Variants in MGAT4A observed in about 807,000 individuals in gnomAD.
MGAT4A encodes N-acetylglucosaminyltransferase IVa.
MGAT4A carries 33 observed loss-of-function variants against 74.1 expected under a neutral mutation model. The ratio of observed to expected loss-of-function variants is 0.45; its 90% confidence interval spans 0.34 to 0.60. The LOEUF is 0.60. MGAT4A is among the 20% of genes least tolerant of loss of function. MGAT4A has a pLI of 0.02. For missense variants in MGAT4A, 479 were observed against 628.3 expected, an observed-to-expected ratio of 0.76 and a Z score of 2.54; for synonymous variants, 198 against 210.4, an observed-to-expected ratio of 0.94 and a Z score of 0.51.
Position 98,636,508 on chromosome 2 carries a change from CA to C in MGAT4A, c.1401+8del. ...GTTAGGGAAAGGTAAGAGGAAATAG[CA>C]GTCATACCTTAAAAGGCAAAACTTC... On this transcript the variant is annotated splice_region_variant and intron_variant, in intron 13 of 15. Transcript: ENST00000393487. The C allele has an allele frequency of 6.3e-7, 1 of 1,597,276 alleles. No homozygotes were observed. Among genetic ancestry groups the C allele is most frequent in the Non-Finnish European group, 8.6e-7 (1 of 1,164,768 alleles).
In MGAT4A at chr2:98,667,873, C is replaced by T. The variant is rs530375451; in HGVS notation, c.404-4694G>A. ...TAGCTGGGATTACAGGTGCCCACCA[C>T]CATGGCCAGATAAGTTTTGTATTTT... On this transcript the variant is annotated intron_variant, in intron 4 of 15. Coordinates refer to ENST00000393487, the MANE Select transcript of MGAT4A (RefSeq NM_012214.3). 3.3e-5 allele frequency among the ~76,000 whole-genome samples: 5 copies of T among 152,176 alleles called. No homozygotes were observed. The South Asian group carries it at 1.0e-3, about 32-fold the overall frequency.
At chr2:98,677,214 C>A (rs1174549233) in intron 3 of MGAT4A, among the ~76,000 whole-genome samples, 5 of 152,264 alleles carry the variant, frequency 3.3e-5, no homozygotes, top group Admixed American at 2.0e-4. Context: ...GCCAGATACT[C>A]CTAAAGTATC....
chr2:98,667,931 G>A (rs1701860191), intron 4 of MGAT4A, among the ~76,000 whole-genome samples: 2 of 152,122 alleles, frequency 1.3e-5, no homozygotes. Flanking sequence ...TGTTGGTCAG[G>A]CTGGTCTCGA....
Position 98,644,586 on chromosome 2 carries a change from A to G in MGAT4A, c.890-533T>C, listed in dbSNP as rs190151100. ...TAGGAGATGAAATGTTAACCTCTCAATATTATTTGAACCCTGTAAATTTCC... is the reference window on the plus strand; with the variant it reads ...TAGGAGATGAAATGTTAACCTCTCAGTATTATTTGAACCCTGTAAATTTCC... On this transcript the variant is annotated intron_variant, in intron 9 of 15. Transcript: ENST00000393487. Among the ~76,000 whole-genome samples, 27 of 152,276 alleles carry G rather than the reference A, an allele frequency of 1.8e-4. 1 individual carries two copies. The highest frequency in any genetic ancestry group is 3.4e-3 in the Middle Eastern group (1 of 294).
At chr2:98,653,024 C>A (rs1262010505) in intron 8 of MGAT4A, among the ~76,000 whole-genome samples, 5 of 151,082 alleles carry the variant, frequency 3.3e-5, no homozygotes, top group Admixed American at 6.6e-5. Flanking sequence ...AGAAAATACA[C>A]AAATGTGTGG....
In MGAT4A at chr2:98,645,498, T is replaced by C. The variant is rs911322600; in HGVS notation, c.819A>G (p.Ile273Met). Reference sequence around the variant, plus strand: ...AAGAAAGTTGAAGTGCAAAATTTTTTATGGTATTAAAATAATTTTGTTTGA... The same window carrying C: ...AAGAAAGTTGAAGTGCAAAATTTTTCATGGTATTAAAATAATTTTGTTTGA... The part of the protein sequence containing the change: ...IIVKQNYFNT[I>M]KNFALQLSSE... Residue 273 changes from isoleucine (I) to methionine (M), a missense_variant, in exon 9 of 16, where the codon ATA (isoleucine) becomes ATG (methionine). Around this residue, in one of 3 missense-constraint regions of MGAT4A, gnomAD observed 38 missense variants for 87.4 expected, o/e 0.43. Transcript: ENST00000393487. 3.1e-6 allele frequency: 5 copies of C among 1,594,574 alleles called. No individual in the cohort carries two copies. Among genetic ancestry groups the C allele is most frequent in the Non-Finnish European group, 4.3e-6 (5 of 1,175,334 alleles).
chr2:98,699,780 T>C (rs1702326036), intron 2 of MGAT4A, among the ~76,000 whole-genome samples: 2 of 152,186 alleles, frequency 1.3e-5, no homozygotes, highest in African/African-American at 4.8e-5. Context: ...ATCCCATTTT[T>C]TGAGGGAGAC....
chr2:98,636,355 C>CA (rs1701320317), intron 13 of MGAT4A, among the ~76,000 whole-genome samples, 162 bp downstream of exon 13: 1 of 152,064 alleles, frequency 6.6e-6, no homozygotes, highest in Admixed American at 6.6e-5. Context: ...ATGCACTCGT[C>CA]AAATATAAAA....
At chr2:98,626,734 A>G (rs1035640670) in intron 14 of MGAT4A, among the ~76,000 whole-genome samples, 2 of 152,228 alleles carry the variant, frequency 1.3e-5, no homozygotes, top group South Asian at 4.1e-4. Context: ...GGAGAAGAAC[A>G]TAATTCCTTT....
chr2:98,642,585 C>A (rs1701426200), intron 10 of MGAT4A, among the ~76,000 whole-genome samples: 1 of 152,104 alleles, frequency 6.6e-6, no homozygotes, highest in Non-Finnish European at 1.5e-5. Context: ...CATTTTAGAA[C>A]CTAACCACAT....
rs138054761 is a variant in MGAT4A, at chr2:98,645,418, C to G, written c.889+10G>C. 2.0e-6 allele frequency: 3 copies of G among 1,534,946 alleles called. No homozygotes were observed. On this transcript the variant is annotated intron_variant, in intron 9 of 15. Coordinates refer to ENST00000393487, the MANE Select transcript of MGAT4A (RefSeq NM_012214.3). ...TTATGAAAAGTAGGTAAGTGTGACA[C>G]TTTTCTTACCAATGAAGCCCAGCTG...
intron 1 of MGAT4A, among the ~76,000 whole-genome samples, chr2:98,730,535 T>C (rs896343613): frequency 1.3e-5 from 2 of 152,056 alleles, no homozygotes; most frequent in African/African-American, 4.8e-5. Context: ...CCTCGGACCG[T>C]CCGGCCCCGC....
intron 2 of MGAT4A, among the ~76,000 whole-genome samples, chr2:98,716,680 C>T (rs1042641301): frequency 2.6e-5 from 4 of 152,280 alleles, no homozygotes; most frequent in Non-Finnish European, 4.4e-5. Flanking sequence ...GCCAAAAATG[C>T]ATTAGAGTTG....
At chr2:98,723,571 G>A (rs989743947) in intron 2 of MGAT4A, among the ~76,000 whole-genome samples, 1 of 152,160 alleles carries the variant, frequency 6.6e-6, no homozygotes, top group Non-Finnish European at 1.5e-5. Context: ...ATCCATACAA[G>A]AACCTTGCAG....
intron 7 of MGAT4A, chr2:98,655,796 T>TCC (rs1701650068): frequency 3.9e-6 from 1 of 259,148 alleles, no homozygotes; most frequent in African/African-American, 2.2e-5. Flanking sequence ...GTATACATGT[T>TCC]CCCCTTCTAG....
Position 98,622,168 on chromosome 2 carries a change from T to C in MGAT4A, c.*3398A>G, listed in dbSNP as rs1701071206. On this transcript the variant is annotated 3_prime_UTR_variant, in exon 16 of 16. Coordinates refer to ENST00000393487, the MANE Select transcript of MGAT4A (RefSeq NM_012214.3). ...AAAATATTCATCATCATTTGCATTA[T>C]GTTCTATTCCCATGTCTGCTTTTAA... 28 of 985,502 alleles carry C rather than the reference T, an allele frequency of 2.8e-5. No homozygotes were observed. Among genetic ancestry groups the C allele is most frequent in the East Asian group, 1.1e-4 (1 of 8,818 alleles). The allele number at this position is 985,502 out of a possible 1,614,324, so 61.0% of individuals were successfully genotyped here.
rs147276575 is a variant in MGAT4A at position 98,629,841 on chromosome 2, C to T, written c.1469-4006G>A. Among the ~76,000 whole-genome samples the T allele has an allele frequency of 1.4e-4, 22 of 152,226 alleles. No individual in the cohort carries two copies. In the East Asian group the frequency reaches 1.9e-3, roughly 13 times the overall value. On this transcript the variant is annotated intron_variant, in intron 14 of 15. Coordinates refer to ENST00000393487, the MANE Select transcript of MGAT4A (RefSeq NM_012214.3). Reference sequence around the variant, plus strand: ...GGCAGATCACCTGAGGTCAGGAGTTCGAGACCAGCCTAGCCAACATGGTGA... The same window carrying T: ...GGCAGATCACCTGAGGTCAGGAGTTTGAGACCAGCCTAGCCAACATGGTGA...
intron 12 of MGAT4A, among the ~76,000 whole-genome samples, chr2:98,636,823 A>T (rs1192713623): frequency 6.6e-6 from 1 of 152,218 alleles, no homozygotes; most frequent in Non-Finnish European, 1.5e-5. Flanking sequence ...CTTCTGTCAG[A>T]AACAATTATG....
rs746508966 is a variant in MGAT4A, at chr2:98,645,548, G to A, written c.775-6C>T. 6.5e-6 allele frequency: 10 copies of A among 1,536,796 alleles called. No individual in the cohort carries two copies. In the South Asian group the frequency reaches 1.2e-4, roughly 19 times the overall value. ...ACAATAATATCATCTTCAAGCTAGAGAAAATTGAACAATCATATTAATACA... is the reference window on the plus strand; with the variant it reads ...ACAATAATATCATCTTCAAGCTAGAAAAAATTGAACAATCATATTAATACA... On this transcript the variant is annotated splice_region_variant and splice_polypyrimidine_tract_variant and intron_variant, in intron 8 of 15. Coordinates refer to ENST00000393487, the MANE Select transcript of MGAT4A (RefSeq NM_012214.3).
Sources: gnomAD v4.1 joint callset for allele counts (sites outside exome capture counted in the v4.1 genomes callset) on GRCh38, gnomAD v4.1.1 for gene constraint, gnomAD v4.1.1 regional missense constraint, MANE v1.5 for transcripts, NCBI Gene and HGNC (gene_info 2026-07-23, HGNC 2026-07-21) for gene names.